GLRA3: variants seen among roughly 807,000 people sequenced by gnomAD.
GLRA3 encodes the protein glycine receptor subunit alpha-3.
A neutral mutation model predicts 60.4 loss-of-function variants in GLRA3; 44 were observed. The ratio of observed to expected loss-of-function variants is 0.73; its 90% CI spans 0.57 to 0.94. The LOEUF (loss-of-function observed/expected upper bound fraction) is 0.94, where lower values mean the gene tolerates loss of function less well. GLRA3 is among the 40% of genes least tolerant of loss of function. GLRA3 has a pLI of 0.00. For synonymous variants in GLRA3, 223 were observed against 192.9 expected (o/e 1.16, Z -1.29); for missense variants, 508 against 564.6 (o/e 0.90, Z 1.02).
chr4:174,792,613 C>T (rs1739399361), intron 1 of GLRA3, among the ~76,000 whole-genome samples: 2 of 152,300 alleles, frequency 1.3e-5, no homozygotes, highest in Non-Finnish European at 2.9e-5. Context: ...CATTCCAATG[C>T]TTTCCGTTTA....
At position 174,814,350 on chromosome 4, in the gene GLRA3, C is replaced by T. The variant is rs545532953; in HGVS notation, c.71+14391G>A. Among the ~76,000 whole-genome samples the T allele has an allele frequency of 3.3e-5, 5 of 152,244 alleles. No homozygotes were observed. The South Asian group carries it at 1.0e-3, about 32-fold the overall frequency. ...GATGAAGTGGGAAGGCAGTCTTCCC[C>T]TGGAGTTTGGCCATCCCTGAGCGAA... On this transcript the variant is annotated intron_variant, in intron 1 of 9. Coordinates refer to ENST00000274093, the MANE Select transcript of GLRA3 (RefSeq NM_006529.4).
At chr4:174,680,674 G>A (rs76795729) in intron 6 of GLRA3, among the ~76,000 whole-genome samples, 8,770 of 152,158 alleles carry the variant, frequency 0.058, 294 homozygotes, top group South Asian at 0.12. Context: ...AAAGATTTTG[G>A]AGAAATTATT....
chr4:174,809,250 C>T (rs1740168700), intron 1 of GLRA3, among the ~76,000 whole-genome samples: 1 of 152,184 alleles, frequency 6.6e-6, no homozygotes, highest in South Asian at 2.1e-4. Context: ...GGTTTGCAGC[C>T]TGGGAGCCAT....
At chr4:174,660,621 C>T (rs555734111) in intron 7 of GLRA3, among the ~76,000 whole-genome samples, 390 of 152,284 alleles carry the variant, frequency 2.6e-3, no homozygotes, top group African/African-American at 9.1e-3. Context: ...TTCTGTTACT[C>T]TTTAAATCTT....
intron 1 of GLRA3, among the ~76,000 whole-genome samples, chr4:174,798,452 G>A (rs780704490): frequency 2.6e-5 from 4 of 152,202 alleles, no homozygotes; most frequent in Non-Finnish European, 5.9e-5. Context: ...TCAATGTAGG[G>A]AGAACTAAAG....
intron 1 of GLRA3, among the ~76,000 whole-genome samples, chr4:174,802,362 A>G (rs1420137404): frequency 6.6e-6 from 1 of 152,060 alleles, no homozygotes. Flanking sequence ...CAGTTCTCCC[A>G]GATAGTATCA....
At chr4:174,820,727 T>C (rs912590746) in intron 1 of GLRA3, among the ~76,000 whole-genome samples, 1 of 152,192 alleles carries the variant, frequency 6.6e-6, no homozygotes, top group African/African-American at 2.4e-5. Context: ...ACTTATCTTC[T>C]TCAGGCTTCC....
chr4:174,681,863 T>C (rs1406339728), intron 6 of GLRA3, among the ~76,000 whole-genome samples: 1 of 152,190 alleles, frequency 6.6e-6, no homozygotes. Flanking sequence ...TGTGTTGAGA[T>C]GTTAAACTTG....
At chr4:174,798,907 G>C (rs1020241135) in intron 1 of GLRA3, among the ~76,000 whole-genome samples, 14 of 151,898 alleles carry the variant, frequency 9.2e-5, no homozygotes, top group South Asian at 2.1e-4. Flanking sequence ...GGCGACAGAG[G>C]GAGACTCTGC....
chr4:174,709,504 A>G (rs1735629803), intron 5 of GLRA3, among the ~76,000 whole-genome samples: 1 of 152,066 alleles, frequency 6.6e-6, no homozygotes, highest in Admixed American at 6.6e-5. Context: ...GTGAAAAATG[A>G]GTATTAAAAA....
chr4:174,791,128 A>T (rs1229618136), intron 1 of GLRA3, among the ~76,000 whole-genome samples: 1 of 152,126 alleles, frequency 6.6e-6, no homozygotes, highest in Non-Finnish European at 1.5e-5. Context: ...ACATGTAAGG[A>T]TATATGTATG....
chr4:174,818,850 T>A (rs570147598), intron 1 of GLRA3, among the ~76,000 whole-genome samples: 1 of 152,288 alleles, frequency 6.6e-6, no homozygotes, highest in South Asian at 2.1e-4. Context: ...TAAATGTAAG[T>A]CACTTCTTAT....
At chr4:174,743,834 G>GA (rs1327760958) in intron 3 of GLRA3, among the ~76,000 whole-genome samples, 32 of 151,620 alleles carry the variant, frequency 2.1e-4, no homozygotes, top group South Asian at 4.2e-4. Context: ...TGTTCAAATT[G>GA]AAAAAAAACA....
At chr4:174,790,630 A>G (rs1334474590) in intron 1 of GLRA3, among the ~76,000 whole-genome samples, 1 of 151,754 alleles carries the variant, frequency 6.6e-6, no homozygotes, top group Admixed American at 6.6e-5. Flanking sequence ...CTACCAACAA[A>G]TATACCAATT....
At position 174,642,224 on chromosome 4, in the gene GLRA3, GTT is replaced by G; in HGVS notation, c.*1560_*1561del. 2 of 890,044 alleles carry G rather than the reference GTT, an allele frequency of 2.2e-6. No individual in the cohort carries two copies. The highest frequency in any genetic ancestry group is 3.6e-5 in the African/African-American group (2 of 55,526). The allele number at this position is 890,044 out of a possible 1,614,324, so 55.1% of individuals were successfully genotyped here. ...GTACAATAACATTGTAAAGGTTTTA[GTT>G]TTAAATGGTAGTTTTTGCTTTTAAT... On this transcript the variant is annotated 3_prime_UTR_variant, in exon 10 of 10. Coordinates refer to ENST00000274093, the MANE Select transcript of GLRA3 (RefSeq NM_006529.4).
At position 174,637,023 on chromosome 4, in the gene GLRA3, G is replaced by A. The variant is rs1040183869; in HGVS notation, c.*6763C>T. On this transcript the variant is annotated 3_prime_UTR_variant, in exon 10 of 10. Transcript: ENST00000274093. ...GGTTAATGACTCTGATAGAGAGTCT[G>A]TTAGTTGCAAAATTGAACTAAATAT... The A allele has an allele frequency of 2.0e-5, 3 of 152,294 alleles. No homozygotes were observed. In the South Asian group the frequency reaches 6.2e-4, roughly 32 times the overall value. The allele number at this position is 152,294 out of a possible 1,614,324, so 9.4% of individuals were successfully genotyped here. A position where few individuals can be genotyped will look rare whatever the true frequency, so the allele number is the denominator to read the frequency against.
intron 5 of GLRA3, among the ~76,000 whole-genome samples, chr4:174,706,039 GT>G (rs1561067613): frequency 5.9e-5 from 9 of 152,082 alleles, no homozygotes; most frequent in Admixed American, 5.9e-4. Flanking sequence ...ACCATCCTGT[GT>G]AACATGGTGA....
chr4:174,741,113 T>G (rs1024914214), intron 3 of GLRA3, among the ~76,000 whole-genome samples: 1 of 152,206 alleles, frequency 6.6e-6, no homozygotes, highest in Non-Finnish European at 1.5e-5. Context: ...GATTACTGGG[T>G]CATATTAAGT....
rs1226125250 is a variant in GLRA3 at position 174,639,616 on chromosome 4, T to C, written c.*4170A>G. On this transcript the variant is annotated 3_prime_UTR_variant, in exon 10 of 10. Coordinates refer to ENST00000274093, the MANE Select transcript of GLRA3 (RefSeq NM_006529.4). ...AGAGTTATATTTTACACATGGCCTATAAGTATCTTTGTTATGGAAGAATAT... is the reference window on the plus strand; with the variant it reads ...AGAGTTATATTTTACACATGGCCTACAAGTATCTTTGTTATGGAAGAATAT... 4 of 152,142 alleles carry C rather than the reference T, an allele frequency of 2.6e-5. No homozygotes were observed. Among genetic ancestry groups the C allele is most frequent in the Non-Finnish European group, 2.9e-5 (2 of 68,016 alleles). 9.4% of individuals were successfully genotyped at this position (152,142 alleles called of 1,614,324 possible).
Sources: gnomAD v4.1 joint callset for allele counts (sites outside exome capture counted in the v4.1 genomes callset) on GRCh38, gnomAD v4.1.1 for gene constraint, MANE v1.5 for transcripts, NCBI Gene and HGNC (gene_info 2026-07-23, HGNC 2026-07-21) for gene names.